Variants in STARD3 observed in about 807,000 individuals in gnomAD.
STARD3 encodes the protein stAR-related lipid transfer protein 3.
STARD3 carries 39 observed loss-of-function variants against 62.0 expected under a neutral mutation model. The ratio of observed to expected loss-of-function variants is 0.63; its 90% CI spans 0.49 to 0.82. The LOEUF (loss-of-function observed/expected upper bound fraction) is 0.82. Ranked by LOEUF, STARD3 falls within the 40% of genes least tolerant of loss-of-function variation. The pLI is 0.00. For missense variants in STARD3, 543 were observed against 584.5 expected (o/e 0.93, Z 0.73); for synonymous variants, 229 against 242.4 (o/e 0.94, Z 0.51).
At chr17:39,659,222 A>G (rs2941514) in intron 8 of STARD3, 116 bp downstream of exon 8, 70,665 of 1,343,510 alleles carry the variant, frequency 0.053, 2,310 homozygotes, top group African/African-American at 0.069. Flanking sequence ...ACCTCGGGCA[A>G]TGCCCATCCG....
rs769121063 is a variant in STARD3 at position 39,660,151 on chromosome 17, T to G, written c.796-60T>G. 1.9e-6 allele frequency: 3 copies of G among 1,584,414 alleles called. No homozygotes were observed. Among genetic ancestry groups the G allele is most frequent in the Non-Finnish European group, 2.6e-6 (3 of 1,153,538 alleles). On this transcript the variant is annotated intron_variant, in intron 9 of 14. Coordinates refer to ENST00000336308, the MANE Select transcript of STARD3 (RefSeq NM_006804.4). The surrounding 1 kb of genome is among the most constrained non-coding windows in gnomAD (Gnocchi z 4.8). The stretch of plus-strand genomic sequence containing the variant: ...CTGCCCTGCCTGTCACCCATTTCTG[T>G]GCCACCAGCCCACCCCCTGCCTCCA...
chr17:39,657,783 C>G lies in STARD3; in HGVS notation c.306C>G (p.Ala102=). 1 of 1,614,162 alleles carries G rather than the reference C, an allele frequency of 6.2e-7. No homozygotes were observed. The highest frequency in any genetic ancestry group is 8.5e-7 in the Non-Finnish European group (1 of 1,179,998). The change falls in exon 4 of 15, where the codon GCC becomes GCG. Residue 102 remains alanine (A), a synonymous_variant. Coordinates refer to ENST00000336308, the MANE Select transcript of STARD3 (RefSeq NM_006804.4). ...KTSFFDIFVL[A]FFRFSGLLLG... is the part of the protein sequence containing the mutation. ...CTCCCGTCCCCCACCAGGTCCTGGC[C>G]TTCTTCCGCTTCTCTGGACTGCTCC...
chr17:39,644,305 C>G (rs1251882726), intron 1 of STARD3, among the ~76,000 whole-genome samples: 1 of 152,080 alleles, frequency 6.6e-6, no homozygotes, highest in African/African-American at 2.4e-5. Context: ...CCCAGCCCTC[C>G]CTGGGAGGCT....
At chr17:39,643,353 A>G (rs1020544389) in intron 1 of STARD3, among the ~76,000 whole-genome samples, 8 of 152,238 alleles carry the variant, frequency 5.3e-5, no homozygotes, top group Non-Finnish European at 1.0e-4. Context: ...GGGGAAGGTC[A>G]TGTTCCTCTG....
intron 14 of STARD3, 86 bp from the exon 15 acceptor site, chr17:39,662,718 C>T (rs987918166): frequency 7.6e-7 from 1 of 1,310,620 alleles, no homozygotes; most frequent in Non-Finnish European, 1.1e-6. Context: ...CATTCTGGCC[C>T]AGAGCCCCCC....
rs751613136 is a variant in STARD3 at position 39,661,101 on chromosome 17, C to T, written c.1139+16C>T. On this transcript the variant is annotated intron_variant, in intron 13 of 14. Transcript: ENST00000336308. ...AATATGTCCGGTGAGCCTCACTTTGCCTGGGGTCACCCCTGCCAGCCCCTC... is the reference window on the plus strand; with the variant it reads ...AATATGTCCGGTGAGCCTCACTTTGTCTGGGGTCACCCCTGCCAGCCCCTC... 1 of 1,610,750 alleles carries T rather than the reference C, an allele frequency of 6.2e-7. No individual in the cohort carries two copies. The highest frequency in any genetic ancestry group is 1.7e-5 in the Admixed American group (1 of 59,976).
intron 2 of STARD3, among the ~76,000 whole-genome samples, chr17:39,656,654 G>A (rs570398292): frequency 6.6e-6 from 1 of 152,302 alleles, no homozygotes; most frequent in South Asian, 2.1e-4. Context: ...AGGGAGATGG[G>A]ATTCTGTCAG....
At chr17:39,654,234 A>G (rs1243579170) in intron 2 of STARD3, among the ~76,000 whole-genome samples, 1 of 152,052 alleles carries the variant, frequency 6.6e-6, no homozygotes, top group East Asian at 1.9e-4. Flanking sequence ...TGTCCCAACC[A>G]CTGTGCTAAA....
chr17:39,658,923 G>T, intron 7 of STARD3, 103 bp downstream of exon 7: 3 of 1,563,746 alleles, frequency 1.9e-6, no homozygotes, highest in Non-Finnish European at 1.8e-6. Flanking sequence ...GCTCCCTGGG[G>T]AAAGCCAGCA....
chr17:39,638,630 A>T (rs2056957092), intron 1 of STARD3, among the ~76,000 whole-genome samples: 1 of 152,032 alleles, frequency 6.6e-6, no homozygotes, highest in Admixed American at 6.5e-5. Flanking sequence ...GTCCTGTAGC[A>T]CCCTGTCCAT....
rs1299004348 is a variant in STARD3, at chr17:39,647,280, AGACACTC to A, written c.-51-6197_-51-6191del. On this transcript the variant is annotated intron_variant, in intron 1 of 14. Coordinates refer to ENST00000336308, the MANE Select transcript of STARD3 (RefSeq NM_006804.4). ...CCTCCCCAAGCAGTTCAGCTTCTGCAGACACTCGACTGTCAAGTCTGCAGCCATCCCA... is the reference window on the plus strand; with the variant it reads ...CCTCCCCAAGCAGTTCAGCTTCTGCAGACTGTCAAGTCTGCAGCCATCCCA... Among the ~76,000 whole-genome samples the A allele has an allele frequency of 3.3e-5, 5 of 151,766 alleles. No homozygotes were observed. In the East Asian group the frequency reaches 9.7e-4, roughly 29 times the overall value.
chr17:39,642,986 G>A (rs768624805), intron 1 of STARD3, among the ~76,000 whole-genome samples: 12 of 152,012 alleles, frequency 7.9e-5, no homozygotes, highest in Non-Finnish European at 1.3e-4. Context: ...GGGGACTTAC[G>A]CCTTTATTCT....
rs2057207800 is a variant in STARD3 at position 39,662,233 on chromosome 17, T to C, written c.1140-18T>C. 2 of 1,611,344 alleles carry C rather than the reference T, an allele frequency of 1.2e-6. No homozygotes were observed. Among genetic ancestry groups the C allele is most frequent in the Admixed American group, 3.3e-5 (2 of 59,830 alleles). On this transcript the variant is annotated intron_variant, in intron 13 of 14. Transcript: ENST00000336308. ...TCACTCTGTTCCAAAGTCCCCCCAA[T>C]GATGCCTCTTTCCATAGGGGAGAGA...
At chr17:39,648,638 A>G (rs184565283) in intron 1 of STARD3, among the ~76,000 whole-genome samples, 122 of 152,112 alleles carry the variant, frequency 8.0e-4, no homozygotes, top group Admixed American at 4.8e-3. Flanking sequence ...ACAGGCTGTC[A>G]TTTGGACTTT....
Position 39,663,378 on chromosome 17 carries a change from T to G in STARD3, c.*470T>G. On this transcript the variant is annotated 3_prime_UTR_variant, in exon 15 of 15. Coordinates refer to ENST00000336308, the MANE Select transcript of STARD3 (RefSeq NM_006804.4). ...TGGGTGGCAGGTGGGGGTGGGCTGC[T>G]GGCCATGAATCTCTGCCTCTCCCAG... 3.7e-6 allele frequency: 1 copy of G among 267,150 alleles called. No homozygotes were observed. Among genetic ancestry groups the G allele is most frequent in the Non-Finnish European group, 7.0e-6 (1 of 143,138 alleles). 16.5% of individuals were successfully genotyped at this position (267,150 alleles called of 1,614,324 possible).
Position 39,661,004 on chromosome 17 carries a change from T to C in STARD3, c.1058T>C (p.Ile353Thr), listed in dbSNP as rs773783186. ...AGGGACTTCGTGAATGTCCGGCGCA[T>C]TGAGCGGCGCAGGGACCGATACTTG... The part of the protein sequence containing the change: ...SPRDFVNVRR[I>T]ERRRDRYLSS... Residue 353 changes from isoleucine to threonine, a missense_variant, in exon 13 of 15, where the codon ATT (isoleucine) becomes ACT (threonine). Coordinates refer to ENST00000336308, the MANE Select transcript of STARD3 (RefSeq NM_006804.4). The C allele has an allele frequency of 1.9e-6, 3 of 1,613,674 alleles. No homozygotes were observed. The highest frequency in any genetic ancestry group is 1.7e-6 in the Non-Finnish European group (2 of 1,180,000).
intron 13 of STARD3, 136 bp from the exon 14 acceptor site, chr17:39,662,115 A>T (rs1244894857): frequency 2.7e-6 from 2 of 735,858 alleles, no homozygotes; most frequent in Non-Finnish European, 4.6e-6. Context: ...CCTTGTTCAG[A>T]TAGGGTAGCT....
chr17:39,651,367 G>C (rs1200836635), intron 1 of STARD3, among the ~76,000 whole-genome samples: 1 of 152,166 alleles, frequency 6.6e-6, no homozygotes, highest in Non-Finnish European at 1.5e-5. Flanking sequence ...AGTGTGGCAG[G>C]ACACCTCAGG....
chr17:39,657,170 A>G (rs1007175649), intron 3 of STARD3, 85 bp downstream of exon 3: 9 of 1,331,498 alleles, frequency 6.8e-6, no homozygotes, highest in African/African-American at 4.3e-5. Context: ...TTTTGGCAGC[A>G]TATATCCAGT....
Sources: gnomAD v4.1 joint callset for allele counts (sites outside exome capture counted in the v4.1 genomes callset) on GRCh38, gnomAD v4.1.1 for gene constraint, Gnocchi (gnomAD v3.1) non-coding constraint, MANE v1.5 for transcripts, NCBI Gene and HGNC (gene_info 2026-07-23, HGNC 2026-07-21) for gene names.